The following SLC14A2 variants were observed in gnomAD, a reference collection of about 807,000 sequenced individuals.
SLC14A2 encodes the protein urea transporter 2.
In SLC14A2, 91 loss-of-function variants were observed where a neutral mutation model predicts 104.6. The observed-to-expected ratio is 0.87, with a 90% confidence interval of 0.73 to 1.04. The LOEUF is 1.04. Ranked by LOEUF, SLC14A2 falls within the 50% of genes least tolerant of loss-of-function variation. The pLI is 0.00. For missense variants in SLC14A2, 1,189 were observed against 1,156.0 expected (o/e 1.03, Z -0.41); for synonymous variants, 476 against 466.4 (o/e 1.02, Z -0.27).
At position 45,636,897 on chromosome 18, in the gene SLC14A2, G is replaced by A. The variant is rs369524714; in HGVS notation, c.651-93G>A. The A allele has an allele frequency of 1.9e-3, 1,761 of 911,600 alleles. 36 individuals carry two copies. In the South Asian group the frequency reaches 0.025, roughly 13 times the overall value. 56.5% of individuals were successfully genotyped at this position (911,600 alleles called of 1,614,324 possible). A position where few individuals can be genotyped will look rare whatever the true frequency, so the allele number is the denominator to read the frequency against. On this transcript the variant is annotated intron_variant, in intron 5 of 19. Transcript: ENST00000255226. ...GGCCAGGAATGCTGTGCCTAGGAGA[G>A]GAGGCAGTGGATGATACAGTGGCCA... is the stretch of plus-strand genomic sequence containing the variant.
chr18:45,451,391 T>C (rs2086855450), intron 1 of SLC14A2, among the ~76,000 whole-genome samples: 1 of 151,938 alleles, frequency 6.6e-6, no homozygotes, highest in Non-Finnish European at 1.5e-5. Context: ...AAATGCTAAG[T>C]GCCATAGTGA....
intron 1 of SLC14A2, among the ~76,000 whole-genome samples, chr18:45,262,658 G>A (rs774619879): frequency 1.3e-5 from 2 of 152,160 alleles, no homozygotes; most frequent in Non-Finnish European, 2.9e-5. Flanking sequence ...CTGGTAATCA[G>A]AGCCTCCCAC....
chr18:45,508,401 G>C (rs992677282), intron 2 of SLC14A2, among the ~76,000 whole-genome samples: 1 of 151,912 alleles, frequency 6.6e-6, no homozygotes, highest in Non-Finnish European at 1.5e-5. Flanking sequence ...TAAGTCTCAT[G>C]AGATCTGATG....
chr18:45,278,211 T>C (rs111359373), intron 1 of SLC14A2, among the ~76,000 whole-genome samples: 134 of 152,350 alleles, frequency 8.8e-4, no homozygotes, highest in African/African-American at 2.8e-3. Flanking sequence ...CTGATATTTA[T>C]TCAGTGTGAC....
At chr18:45,337,019 C>T (rs1295651492) in intron 1 of SLC14A2, among the ~76,000 whole-genome samples, 1 of 147,416 alleles carries the variant, frequency 6.8e-6, no homozygotes, top group African/African-American at 2.5e-5. Context: ...AGTGTGCATA[C>T]AAAAATATTT....
At chr18:45,226,931 CA>C (rs1257607159) in intron 1 of SLC14A2, among the ~76,000 whole-genome samples, 3 of 152,146 alleles carry the variant, frequency 2.0e-5, no homozygotes, top group Non-Finnish European at 4.4e-5. Context: ...AGCTGGCACA[CA>C]CTCAACAGCT....
chr18:45,431,730 T>G (rs1455386106), intron 1 of SLC14A2, among the ~76,000 whole-genome samples: 2 of 152,210 alleles, frequency 1.3e-5, no homozygotes, highest in African/African-American at 4.8e-5. Context: ...CACAGGTCAG[T>G]GAATACGGTC....
intron 2 of SLC14A2, among the ~76,000 whole-genome samples, chr18:45,608,841 C>T (rs1052642332): frequency 4.6e-5 from 7 of 152,150 alleles, no homozygotes; most frequent in Admixed American, 4.6e-4. Flanking sequence ...TCTGGTTAGG[C>T]GTGAGGGGGG....
intron 1 of SLC14A2, among the ~76,000 whole-genome samples, chr18:45,328,714 G>A (rs1361871277): frequency 6.6e-6 from 1 of 152,158 alleles, no homozygotes; most frequent in South Asian, 2.1e-4. Flanking sequence ...ACTAAAGATG[G>A]GAGCTCCTTC....
intron 10 of SLC14A2, among the ~76,000 whole-genome samples, chr18:45,649,591 CATTT>C (rs1353211649): frequency 6.6e-6 from 1 of 152,218 alleles, no homozygotes; most frequent in Non-Finnish European, 1.5e-5. Context: ...TGTTCCAATT[CATTT>C]ATTACTTGTT....
intron 1 of SLC14A2, among the ~76,000 whole-genome samples, chr18:45,228,414 C>T (rs1472665213): frequency 1.3e-5 from 2 of 152,042 alleles, no homozygotes; most frequent in Admixed American, 1.3e-4. Flanking sequence ...GCCCTTCTCC[C>T]CAGGTGAGCC....
chr18:45,228,851 C>T (rs560660165), intron 1 of SLC14A2, among the ~76,000 whole-genome samples: 117 of 152,256 alleles, frequency 7.7e-4, no homozygotes, highest in South Asian at 5.0e-3. Flanking sequence ...GTGCATATGG[C>T]GAAGGCTCTG....
intron 1 of SLC14A2, among the ~76,000 whole-genome samples, chr18:45,240,500 C>T (rs1292565025): frequency 1.3e-5 from 2 of 152,022 alleles, no homozygotes; most frequent in Non-Finnish European, 2.9e-5. Flanking sequence ...TTCTGAGAAA[C>T]CTCTATACCG....
At chr18:45,480,927 T>C (rs1199871477) in intron 1 of SLC14A2, among the ~76,000 whole-genome samples, 1 of 150,028 alleles carries the variant, frequency 6.7e-6, no homozygotes, top group South Asian at 2.1e-4. Flanking sequence ...TCCCAGTTTT[T>C]AAAATATATA....
At position 45,637,114 on chromosome 18, in the gene SLC14A2, C is replaced by T. The variant is rs1438230772; in HGVS notation, c.775C>T (p.Pro259Ser). Residue 259 changes from proline (P) to serine (S), a missense_variant, in exon 6 of 20, where the codon CCC (proline) becomes TCC (serine). By Grantham distance (74) the Pro-to-Ser change is moderately conservative. Coordinates refer to ENST00000255226, the MANE Select transcript of SLC14A2 (RefSeq NM_007163.4). The stretch of plus-strand genomic sequence containing the variant: ...CACAGGCCACTACAACCTCTTCTTC[C>T]CCACAACACTGGTAGAGCCTGTGTC... ...AATGHYNLFFPTTLVEPVSSV... is the reference protein window; with the variant it reads ...AATGHYNLFFSTTLVEPVSSV... 1 of 1,614,198 alleles carries T rather than the reference C, an allele frequency of 6.2e-7. No individual in the cohort carries two copies.
intron 2 of SLC14A2, among the ~76,000 whole-genome samples, chr18:45,531,254 A>G (rs2144832271): frequency 6.6e-6 from 1 of 152,312 alleles, no homozygotes; most frequent in South Asian, 2.1e-4. Flanking sequence ...TTCTAGTTCT[A>G]GATCCCTGAG....
At chr18:45,432,069 C>G (rs2086525649) in intron 1 of SLC14A2, among the ~76,000 whole-genome samples, 1 of 152,168 alleles carries the variant, frequency 6.6e-6, no homozygotes, top group Non-Finnish European at 1.5e-5. Context: ...ATATCATTCC[C>G]CCAGCAAGAC....
chr18:45,360,063 C>A (rs568168016), intron 1 of SLC14A2, among the ~76,000 whole-genome samples: 1 of 152,336 alleles, frequency 6.6e-6, no homozygotes, highest in African/African-American at 2.4e-5. Flanking sequence ...ACGAGCTGTA[C>A]TCAGCTCCGG....
chr18:45,541,236 C>A (rs2043879381), intron 2 of SLC14A2, among the ~76,000 whole-genome samples: 1 of 152,176 alleles, frequency 6.6e-6, no homozygotes, highest in African/African-American at 2.4e-5. Flanking sequence ...CACACGTGTG[C>A]CCCTGTGCCC....
Sources: gnomAD v4.1 joint callset for allele counts (sites outside exome capture counted in the v4.1 genomes callset) on GRCh38, gnomAD v4.1.1 for gene constraint, MANE v1.5 for transcripts, NCBI Gene and HGNC (gene_info 2026-07-23, HGNC 2026-07-21) for gene names.